The following KLF12 variants were observed in gnomAD, a reference collection of about 807,000 sequenced individuals.
KLF12 encodes the protein KLF transcription factor 12.
KLF12 carries 9 observed loss-of-function variants against 37.8 expected under a neutral mutation model. The ratio of observed to expected loss-of-function variants is 0.24; its 90% confidence interval spans 0.14 to 0.42. The LOEUF (loss-of-function observed/expected upper bound fraction) is 0.42. Among genes scored for constraint, KLF12 ranks in the 10% least tolerant of loss-of-function variants. The pLI, the probability that KLF12 is intolerant of heterozygous loss-of-function variation, is 1.00. For missense variants in KLF12, 411 were observed against 516.0 expected, an observed-to-expected ratio of 0.80 and a Z score of 1.97; for synonymous variants, 208 against 202.1, an observed-to-expected ratio of 1.03 and a Z score of -0.25.
intron 1 of KLF12, among the ~76,000 whole-genome samples, chr13:74,053,580 AAACC>A (rs1469499812): frequency 6.6e-6 from 1 of 152,170 alleles, no homozygotes; most frequent in Non-Finnish European, 1.5e-5. Flanking sequence ...AACAGGATAC[AAACC>A]CAAGCAGTCA....
rs1270480182 is a variant in KLF12, at chr13:73,846,329, C to T, written c.168G>A (p.Leu56=). 7 of 1,613,676 alleles carry T rather than the reference C, an allele frequency of 4.3e-6. No individual in the cohort carries two copies. Among genetic ancestry groups the T allele is most frequent in the African/African-American group, 4.0e-5 (3 of 74,902 alleles). The change falls in exon 4 of 8, where the codon CTG becomes CTA. Residue 56 remains leucine (L), a synonymous_variant. Coordinates refer to ENST00000377669, the MANE Select transcript of KLF12 (RefSeq NM_007249.5). The stretch of plus-strand genomic sequence containing the variant: ...GCTCCCCTTTCACATTATTTAGCAA[C>T]AGGGGAACGGCTTCCATATCGGGAT...
chr13:73,782,132 C>A (rs928292992), intron 5 of KLF12, among the ~76,000 whole-genome samples: 10 of 152,108 alleles, frequency 6.6e-5, no homozygotes, highest in Non-Finnish European at 1.5e-4. Flanking sequence ...GACCAGACTG[C>A]CGGGGTTCAA....
chr13:74,131,743 T>C (rs1566227934), intron 1 of KLF12, among the ~76,000 whole-genome samples: 1 of 152,248 alleles, frequency 6.6e-6, no homozygotes, highest in Non-Finnish European at 1.5e-5. Context: ...GTTGGTTACA[T>C]GGTCTTAGTT....
intron 3 of KLF12, among the ~76,000 whole-genome samples, chr13:73,890,358 C>T (rs1264424807): frequency 1.3e-5 from 2 of 152,096 alleles, no homozygotes; most frequent in African/African-American, 4.8e-5. Flanking sequence ...AGAAACCCCA[C>T]TCTTCCCATA....
At chr13:74,162,194 TAA>T in the KLF12 span, among the ~76,000 whole-genome samples, 1 of 152,200 alleles carries the variant, frequency 6.6e-6, no homozygotes, top group African/African-American at 2.4e-5. Flanking sequence ...ACCTTTTTTG[TAA>T]AAGACGTGAA....
the KLF12 span, among the ~76,000 whole-genome samples, chr13:74,254,966 G>T: frequency 6.6e-6 from 1 of 152,160 alleles, no homozygotes; most frequent in African/African-American, 2.4e-5. Context: ...CACTTTGAAT[G>T]GCTGCTGCTG....
the KLF12 span, among the ~76,000 whole-genome samples, chr13:74,140,537 T>C: frequency 6.6e-6 from 1 of 152,154 alleles, no homozygotes; most frequent in Non-Finnish European, 1.5e-5. Context: ...TATTTGAGAG[T>C]GCCATTTTCC....
At chr13:73,764,844 T>C (rs1879803672) in intron 6 of KLF12, 94 bp downstream of exon 6, 1 of 732,648 alleles carries the variant, frequency 1.4e-6, no homozygotes, top group Non-Finnish European at 2.4e-6. Context: ...GTACTCTGTA[T>C]AGAGAAGTAG....
At chr13:74,264,061 A>T in the KLF12 span, among the ~76,000 whole-genome samples, 3 of 152,148 alleles carry the variant, frequency 2.0e-5, no homozygotes, top group Non-Finnish European at 4.4e-5. Flanking sequence ...AAGCAGTGAA[A>T]ATGCAGTTGT....
chr13:74,145,567 G>T, the KLF12 span, among the ~76,000 whole-genome samples: 1 of 152,138 alleles, frequency 6.6e-6, no homozygotes, highest in Non-Finnish European at 1.5e-5. Context: ...ATTGACTTGT[G>T]TCTGTTCATG....
intron 6 of KLF12, 25 bp from the exon 7 acceptor site, chr13:73,715,550 C>G: frequency 6.2e-7 from 1 of 1,610,384 alleles, no homozygotes; most frequent in Non-Finnish European, 8.5e-7. Context: ...AGTGGAGTTA[C>G]ACGGTGAGAT....
At chr13:73,752,735 T>A (rs910059160) in intron 6 of KLF12, among the ~76,000 whole-genome samples, 24 of 126,810 alleles carry the variant, frequency 1.9e-4, no homozygotes, top group African/African-American at 6.7e-4. Context: ...TATATATTTT[T>A]TTTTTTTTGA....
chr13:73,810,982 CTT>C (rs376490803), intron 5 of KLF12, among the ~76,000 whole-genome samples: 944 of 44,764 alleles, frequency 0.021, 26 homozygotes, highest in African/African-American at 0.075. Context: ...ATTTTTCTTT[CTT>C]TTTTTTTTTT....
chr13:73,869,936 C>T (rs1886385142), intron 3 of KLF12, among the ~76,000 whole-genome samples: 1 of 152,168 alleles, frequency 6.6e-6, no homozygotes, highest in Admixed American at 6.5e-5. Context: ...TAGAGCCACG[C>T]TGATTCCTTC....
At chr13:73,840,452 A>G (rs1884679421) in intron 4 of KLF12, among the ~76,000 whole-genome samples, 1 of 152,072 alleles carries the variant, frequency 6.6e-6, no homozygotes, top group Non-Finnish European at 1.5e-5. Flanking sequence ...AAGCTCTATT[A>G]AAATGTGGAA....
intron 3 of KLF12, among the ~76,000 whole-genome samples, chr13:73,847,310 T>C (rs370301367): frequency 4.6e-5 from 7 of 152,142 alleles, no homozygotes; most frequent in African/African-American, 1.7e-4. Context: ...CAGGTTAACA[T>C]AGACATTATT....
intron 3 of KLF12, among the ~76,000 whole-genome samples, chr13:73,887,141 G>A (rs954898150): frequency 6.6e-6 from 1 of 152,122 alleles, no homozygotes; most frequent in African/African-American, 2.4e-5. Context: ...ATAGAAATTG[G>A]TGATACATGT....
intron 4 of KLF12, among the ~76,000 whole-genome samples, chr13:73,835,270 G>GA (rs1215154174): frequency 2.0e-5 from 3 of 152,018 alleles, no homozygotes; most frequent in Non-Finnish European, 4.4e-5. Flanking sequence ...GGGCATGGTA[G>GA]AAAAAATAAC....
At chr13:73,984,403 T>A (rs897671451) in intron 2 of KLF12, among the ~76,000 whole-genome samples, 4 of 152,146 alleles carry the variant, frequency 2.6e-5, no homozygotes, top group Non-Finnish European at 4.4e-5. Context: ...TCTGCTTATT[T>A]TATTCATAGG....
Sources: gnomAD v4.1 joint callset for allele counts (sites outside exome capture counted in the v4.1 genomes callset) on GRCh38, gnomAD v4.1.1 for gene constraint, MANE v1.5 for transcripts, NCBI Gene and HGNC (gene_info 2026-07-23, HGNC 2026-07-21) for gene names.